RIGI: variants seen among roughly 807,000 people sequenced by gnomAD.
The protein encoded by RIGI is antiviral innate immune response receptor RIG-I.
the RIGI span, among the ~76,000 whole-genome samples, chr9:32,499,311 G>GTTTTTTTT: frequency 0.023 from 1,880 of 80,626 alleles, 13 homozygotes; most frequent in Non-Finnish European, 0.031. Flanking sequence ...CAGAGTTTGT[G>GTTTTTTTT]ATTTGTTTTT....
chr9:32,461,092 A>T, the RIGI span, among the ~76,000 whole-genome samples: 2 of 152,218 alleles, frequency 1.3e-5, no homozygotes, highest in Non-Finnish European at 2.9e-5. Context: ...AATCAGTCTG[A>T]ATAACAGGAG....
chr9:32,499,311 GA>G, the RIGI span, among the ~76,000 whole-genome samples: 29,935 of 79,346 alleles, frequency 0.38, 4,343 homozygotes, highest in South Asian at 0.48. Context: ...CAGAGTTTGT[GA>G]TTTGTTTTTT....
At chr9:32,515,664 T>C in the RIGI span, among the ~76,000 whole-genome samples, 1 of 152,210 alleles carries the variant, frequency 6.6e-6, no homozygotes, top group Non-Finnish European at 1.5e-5. Flanking sequence ...CTCTATTTAT[T>C]CCTGAGTCTA....
At chr9:32,459,723 C>T in the RIGI span, among the ~76,000 whole-genome samples, 1 of 152,038 alleles carries the variant, frequency 6.6e-6, no homozygotes, top group Non-Finnish European at 1.5e-5. Context: ...TTGTGGCCTC[C>T]AATTAGTCTT....
At chr9:32,524,608 T>TTTTTG in the RIGI span, among the ~76,000 whole-genome samples, 1 of 128,936 alleles carries the variant, frequency 7.8e-6, no homozygotes, top group African/African-American at 2.9e-5. Context: ...TTTTTTTTTT[T>TTTTTG]TTTTTTTTTT....
chr9:32,515,730 A>C, the RIGI span, among the ~76,000 whole-genome samples: 2 of 152,204 alleles, frequency 1.3e-5, no homozygotes, highest in African/African-American at 4.8e-5. Context: ...CCTATTCCAC[A>C]GAAACTAGTC....
At chr9:32,483,139 T>A in the RIGI span, among the ~76,000 whole-genome samples, 4 of 152,110 alleles carry the variant, frequency 2.6e-5, no homozygotes, top group Admixed American at 2.0e-4. Flanking sequence ...GCTGAGTCTG[T>A]GAGTTACTCT....
the RIGI span, among the ~76,000 whole-genome samples, chr9:32,506,566 T>A: frequency 6.6e-6 from 1 of 152,244 alleles, no homozygotes; most frequent in Admixed American, 6.5e-5. Context: ...TAAATTGGAT[T>A]TGTAAGAATC....
At chr9:32,464,270 C>T in the RIGI span, among the ~76,000 whole-genome samples, 1 of 151,152 alleles carries the variant, frequency 6.6e-6, no homozygotes, top group Non-Finnish European at 1.5e-5. Flanking sequence ...GATGCTCAAA[C>T]CCAAACCCCA....
At chr9:32,460,402 T>C in the RIGI span, among the ~76,000 whole-genome samples, 1 of 152,088 alleles carries the variant, frequency 6.6e-6, no homozygotes, top group African/African-American at 2.4e-5. Context: ...AGGCCTTGGC[T>C]AAGAACATGG....
the RIGI span, among the ~76,000 whole-genome samples, chr9:32,517,215 G>A: frequency 6.6e-6 from 1 of 152,186 alleles, no homozygotes; most frequent in Admixed American, 6.5e-5. Flanking sequence ...AAACTGCCAT[G>A]GAAACTGCTT....
chr9:32,515,145 T>A, the RIGI span, among the ~76,000 whole-genome samples: 2 of 152,112 alleles, frequency 1.3e-5, no homozygotes, highest in Non-Finnish European at 2.9e-5. Context: ...CTCACGCCTG[T>A]AATCCTAGCA....
chr9:32,482,022 T>C, the RIGI span, among the ~76,000 whole-genome samples: 2 of 152,114 alleles, frequency 1.3e-5, no homozygotes, highest in Admixed American at 6.5e-5. Flanking sequence ...AGTAAGAAAA[T>C]AGAAACTCAT....
At chr9:32,492,377 G>GTACAGTGTCTTACCTTTCTC in the RIGI span, 1 of 1,613,982 alleles carries the variant, frequency 6.2e-7, no homozygotes, top group African/African-American at 1.3e-5. Flanking sequence ...TGTGAGGAGG[G>GTACAGTGTCTTACCTTTCTC]TACAGTGTCT....
At chr9:32,466,507 G>T in the RIGI span, 1 of 1,393,548 alleles carries the variant, frequency 7.2e-7, no homozygotes, top group South Asian at 1.4e-5. Context: ...CTGCAAATAG[G>T]TAAACAAATA....
the RIGI span, among the ~76,000 whole-genome samples, chr9:32,507,682 A>G: frequency 6.6e-6 from 1 of 151,552 alleles, no homozygotes; most frequent in Non-Finnish European, 1.5e-5. Flanking sequence ...GTCTTGTTCC[A>G]TTGCCCAAGC....
chr9:32,487,502 T>A, the RIGI span: 37 of 1,614,170 alleles, frequency 2.3e-5, 1 homozygote, highest in South Asian at 4.0e-4. Context: ...CTTGCTCCAG[T>A]TCCTCCAGAT....
At chr9:32,524,601 T>G in the RIGI span, among the ~76,000 whole-genome samples, 5 of 120,346 alleles carry the variant, frequency 4.2e-5, no homozygotes, top group East Asian at 6.6e-4. Context: ...TTTCGGTTTT[T>G]TTTTTTTTTT....
chr9:32,479,711 C>T, the RIGI span, among the ~76,000 whole-genome samples: 2 of 151,798 alleles, frequency 1.3e-5, no homozygotes, highest in Admixed American at 6.6e-5. Flanking sequence ...GTGGCGCACA[C>T]CTGCAGTCCT....
Sources: allele counts gnomAD v4.1 joint callset (sites outside exome capture counted in the v4.1 genomes callset), GRCh38; gene constraint gnomAD v4.1.1; transcripts MANE v1.5; gene names NCBI Gene and HGNC (gene_info 2026-07-23, HGNC 2026-07-21).